The following RBMS3 variants were observed in gnomAD, a reference collection of about 807,000 sequenced individuals.
RBMS3 encodes the protein RNA binding motif single stranded interacting protein 3, also known as RNA-binding motif, single-stranded-interacting protein 3.
Under a neutral mutation model 66.8 loss-of-function variants are expected in RBMS3, and 27 were observed. The ratio of observed to expected loss-of-function variants is 0.40; its 90% confidence interval spans 0.30 to 0.56. The LOEUF (loss-of-function observed/expected upper bound fraction) is 0.56, where lower values mean the gene tolerates loss of function less well. Ranked by LOEUF, RBMS3 falls within the 20% of genes least tolerant of loss-of-function variation. The pLI, the probability that RBMS3 is intolerant of heterozygous loss-of-function variation, is 0.40. For synonymous variants in RBMS3, 188 were observed against 183.0 expected (o/e 1.03, Z -0.22); for missense variants, 513 against 549.5 (o/e 0.93, Z 0.66).
intron 6 of RBMS3, among the ~76,000 whole-genome samples, chr3:29,789,383 T>C (rs1449778656): frequency 2.0e-5 from 3 of 152,124 alleles, no homozygotes; most frequent in Non-Finnish European, 4.4e-5. Context: ...ATCTAGAATT[T>C]ATTTTAGCAT....
intron 2 of RBMS3, among the ~76,000 whole-genome samples, chr3:29,463,141 T>G (rs1238858010): frequency 6.6e-6 from 1 of 152,212 alleles, no homozygotes; most frequent in Non-Finnish European, 1.5e-5. Context: ...AGGTGATATT[T>G]AGACAATATG....
chr3:29,581,233 A>T (rs2047318819), intron 3 of RBMS3, among the ~76,000 whole-genome samples: 1 of 152,224 alleles, frequency 6.6e-6, no homozygotes, highest in African/African-American at 2.4e-5. Context: ...AGAAATGAGT[A>T]GGTTTTCTTG....
intron 3 of RBMS3, among the ~76,000 whole-genome samples, chr3:29,489,057 A>C (rs1016541475): frequency 6.6e-6 from 1 of 152,158 alleles, no homozygotes; most frequent in Non-Finnish European, 1.5e-5. Context: ...ATGTTTCTTC[A>C]TGTCTGGGAG....
chr3:29,753,910 A>G (rs1172827756), intron 5 of RBMS3, among the ~76,000 whole-genome samples: 1 of 152,166 alleles, frequency 6.6e-6, no homozygotes. Flanking sequence ...TTCAGAGAGA[A>G]ACTATTTTTT....
chr3:29,607,703 C>T (rs1296868494), intron 4 of RBMS3, among the ~76,000 whole-genome samples: 2 of 151,958 alleles, frequency 1.3e-5, no homozygotes, highest in East Asian at 3.9e-4. Flanking sequence ...TACATTTTTA[C>T]TTTACATGGA....
chr3:29,343,881 A>G (rs1409590664), intron 1 of RBMS3, among the ~76,000 whole-genome samples: 1 of 152,214 alleles, frequency 6.6e-6, no homozygotes, highest in Non-Finnish European at 1.5e-5. Context: ...TGGGCTGCAC[A>G]CTGGTAGTTT....
At chr3:29,696,799 C>T (rs2052300394) in intron 4 of RBMS3, among the ~76,000 whole-genome samples, 2 of 152,080 alleles carry the variant, frequency 1.3e-5, no homozygotes, top group South Asian at 2.1e-4. Context: ...TGGGTGACTG[C>T]AGGTCAATAC....
At chr3:29,876,132 A>T (rs1356576325) in intron 7 of RBMS3, among the ~76,000 whole-genome samples, 1 of 152,110 alleles carries the variant, frequency 6.6e-6, no homozygotes, top group African/African-American at 2.4e-5. Context: ...TTTTTCTCTT[A>T]TCCTGATTCT....
At chr3:29,912,226 T>A (rs1455612964) in intron 10 of RBMS3, among the ~76,000 whole-genome samples, 2 of 152,104 alleles carry the variant, frequency 1.3e-5, no homozygotes, top group African/African-American at 4.8e-5. Context: ...TCCCGTTCTA[T>A]TTTGTTCTAA....
intron 4 of RBMS3, among the ~76,000 whole-genome samples, chr3:29,596,333 T>C (rs1035782518): frequency 6.6e-6 from 1 of 152,170 alleles, no homozygotes; most frequent in Admixed American, 6.5e-5. Context: ...ACGGTCCACC[T>C]TCTGTTTCTG....
intron 6 of RBMS3, among the ~76,000 whole-genome samples, chr3:29,796,067 C>A (rs1031840038): frequency 2.0e-5 from 3 of 152,120 alleles, no homozygotes; most frequent in East Asian, 3.8e-4. Context: ...TGCAATAAAG[C>A]AAATATCACA....
At chr3:29,325,671 CACAT>C (rs759754666) in intron 1 of RBMS3, among the ~76,000 whole-genome samples, 3 of 151,288 alleles carry the variant, frequency 2.0e-5, no homozygotes, top group Non-Finnish European at 4.4e-5. Context: ...CACATACACA[CACAT>C]ATGTATAAAT....
At chr3:29,405,963 A>C (rs9836996) in intron 1 of RBMS3, among the ~76,000 whole-genome samples, 1 of 152,186 alleles carries the variant, frequency 6.6e-6, no homozygotes, top group Non-Finnish European at 1.5e-5. Flanking sequence ...GAACCCACAC[A>C]TGATTTTTCC....
intron 6 of RBMS3, among the ~76,000 whole-genome samples, chr3:29,782,011 C>G (rs1327120759): frequency 8.2e-6 from 1 of 122,132 alleles, no homozygotes; most frequent in Non-Finnish European, 1.8e-5. Flanking sequence ...TGAACTCAGA[C>G]ATGCTTATCC....
intron 3 of RBMS3, among the ~76,000 whole-genome samples, chr3:29,581,132 G>C (rs143061782): frequency 6.6e-6 from 1 of 152,080 alleles, no homozygotes; most frequent in African/African-American, 2.4e-5. Flanking sequence ...ATCTAAGGTA[G>C]ACCATATGGC....
intron 3 of RBMS3, among the ~76,000 whole-genome samples, chr3:29,519,006 G>C (rs1277061498): frequency 6.6e-6 from 1 of 152,174 alleles, no homozygotes; most frequent in Non-Finnish European, 1.5e-5. Context: ...AATACGCAGA[G>C]AGCAAATTCT....
Position 29,739,856 on chromosome 3 carries a change from G to A in RBMS3, c.536G>A (p.Ser179Asn). ...ATACTAAGAGACGCTAATGGAGTCA[G>A]CAGAGGTGTTGGCTTTGCCAGGTAA... ...TRILRDANGV[S>N]RGVGFARMES... Residue 179 changes from serine (S) to asparagine (N), a missense_variant, in exon 5 of 15, where the codon AGC (serine) becomes AAC (asparagine). Transcript: ENST00000383767. 1 of 1,596,722 alleles carries A rather than the reference G, an allele frequency of 6.3e-7. No individual in the cohort carries two copies. Among genetic ancestry groups the A allele is most frequent in the African/African-American group, 1.3e-5 (1 of 74,162 alleles).
intron 4 of RBMS3, among the ~76,000 whole-genome samples, chr3:29,739,410 C>T (rs1033101256): frequency 3.4e-5 from 5 of 147,198 alleles, no homozygotes; most frequent in Middle Eastern, 3.5e-3. Flanking sequence ...GAGTCGAGAT[C>T]GCGCCACTGC....
At chr3:29,288,850 C>T (rs1306551829) in intron 1 of RBMS3, among the ~76,000 whole-genome samples, 1 of 151,910 alleles carries the variant, frequency 6.6e-6, no homozygotes, top group African/African-American at 2.4e-5. Flanking sequence ...CTCAGCTATA[C>T]TGTAGTATTG....
Sources: gnomAD v4.1 joint callset for allele counts (sites outside exome capture counted in the v4.1 genomes callset) on GRCh38, gnomAD v4.1.1 for gene constraint, MANE v1.5 for transcripts, NCBI Gene and HGNC (gene_info 2026-07-23, HGNC 2026-07-21) for gene names.